The following DMD variants were observed in gnomAD, a reference collection of about 807,000 sequenced individuals.
DMD encodes the protein dystrophin.
A neutral mutation model predicts 330.1 loss-of-function variants in DMD; 63 were observed. That is an observed-to-expected ratio of 0.19 (90% CI 0.16 to 0.24). DMD has a LOEUF of 0.24. Among genes scored for constraint, DMD ranks in the 10% least tolerant of loss-of-function variants. DMD has a pLI of 1.00. For missense variants in DMD, 3,344 were observed against 2,684.1 expected, an observed-to-expected ratio of 1.25 and a Z score of -5.43; for synonymous variants, 1,223 against 959.8, an observed-to-expected ratio of 1.27 and a Z score of -5.07.
intron 20 of DMD, 91 bp downstream of exon 20, chrX:32,491,186 T>A (rs917763736): frequency 7.2e-5 from 78 of 1,084,245 alleles, no homozygotes; most frequent in Non-Finnish European, 9.1e-5. Context: ...GGTGAACGTT[T>A]CATTACTAAA....
chrX:31,649,076 A>AACCAAT (rs2080283704), intron 54 of DMD, among the ~76,000 whole-genome samples: 1 of 111,878 alleles, frequency 8.9e-6, no homozygotes, highest in Admixed American at 9.5e-5. Flanking sequence ...GCTAACATTA[A>AACCAAT]TGGTTCAATT....
chrX:31,691,791 C>T (rs2083143313), intron 52 of DMD, among the ~76,000 whole-genome samples: 1 of 111,797 alleles, frequency 8.9e-6, no homozygotes. Flanking sequence ...ATAAAGCAAA[C>T]ATTAAGGGAT....
chrX:32,741,486 T>G (rs964930725), intron 7 of DMD, among the ~76,000 whole-genome samples: 10 of 111,783 alleles, frequency 8.9e-5, no homozygotes, highest in Non-Finnish European at 1.5e-4. Flanking sequence ...TTGTTGTCGT[T>G]AAGGTGATAT....
chrX:32,335,864 TTA>T (rs759870619), intron 41 of DMD, among the ~76,000 whole-genome samples: 62 of 105,508 alleles, frequency 5.9e-4, no homozygotes, highest in South Asian at 3.2e-3. Flanking sequence ...ATATTCAACG[TTA>T]TATGTGTATA....
intron 44 of DMD, among the ~76,000 whole-genome samples, chrX:32,098,515 G>A (rs147484931): frequency 0.026 from 2,951 of 111,677 alleles, 104 homozygotes; most frequent in African/African-American, 0.09. Flanking sequence ...TTCATGTGAA[G>A]TCAGGGCTCC....
intron 9 of DMD, among the ~76,000 whole-genome samples, chrX:32,684,817 T>C (rs1184249985): frequency 9.0e-6 from 1 of 111,517 alleles, no homozygotes; most frequent in Non-Finnish European, 1.9e-5. Context: ...CTAGTTTTAC[T>C]TATTGATTTA....
chrX:31,290,641 T>G (rs1466487737), intron 62 of DMD, among the ~76,000 whole-genome samples: 1 of 111,878 alleles, frequency 8.9e-6, no homozygotes, highest in Non-Finnish European at 1.9e-5. Flanking sequence ...TGTGTTCATA[T>G]GAATAATTTT....
chrX:32,783,118 T>A (rs1196693730), intron 7 of DMD, among the ~76,000 whole-genome samples: 1 of 100,750 alleles, frequency 9.9e-6, no homozygotes, highest in Admixed American at 1.1e-4. Flanking sequence ...ACACACACCA[T>A]ATGTATATAC....
rs780446331 is a variant in DMD, at chrX:32,301,827, C to T, written c.6117+8255G>A. On this transcript the variant is annotated intron_variant, in intron 42 of 78. Transcript: ENST00000357033. The stretch of plus-strand genomic sequence containing the variant: ...GAACAATGGGTTTTAAGTTACTGAA[C>T]TAGAAATGGAAAAAATAAATCAACA... Among the ~76,000 whole-genome samples the T allele has an allele frequency of 1.3e-3, 146 of 110,782 alleles. 1 individual carries two copies. The highest frequency in any genetic ancestry group is 2.2e-3 in the Non-Finnish European group (117 of 52,495).
At chrX:33,296,305 G>T (rs929845871) in intron 1 of DMD, among the ~76,000 whole-genome samples, 1 of 110,728 alleles carries the variant, frequency 9.0e-6, no homozygotes, top group Non-Finnish European at 1.9e-5. Context: ...AATAATAAAA[G>T]GCAGCTTTTT....
At chrX:31,636,431 T>C (rs763144779) in intron 54 of DMD, among the ~76,000 whole-genome samples, 2 of 112,111 alleles carry the variant, frequency 1.8e-5, no homozygotes, top group South Asian at 7.4e-4. Flanking sequence ...TCAAGCTCCT[T>C]TGACAGGATC....
At chrX:32,647,132 G>A (rs950334777) in intron 9 of DMD, among the ~76,000 whole-genome samples, 3 of 111,596 alleles carry the variant, frequency 2.7e-5, no homozygotes, top group Non-Finnish European at 3.8e-5. Flanking sequence ...GGCCCTGAGC[G>A]CAGAAGAAAC....
intron 21 of DMD, among the ~76,000 whole-genome samples, chrX:32,476,116 T>A (rs2041209331): frequency 9.0e-6 from 1 of 111,100 alleles, no homozygotes; most frequent in Non-Finnish European, 1.9e-5. Context: ...CATGGCGGTA[T>A]GTTGGATGAA....
At chrX:32,205,079 G>A (rs1280915622) in intron 44 of DMD, among the ~76,000 whole-genome samples, 3 of 94,414 alleles carry the variant, frequency 3.2e-5, no homozygotes, top group Non-Finnish European at 4.2e-5. Context: ...CAAAAAATCT[G>A]TGAAACATCT....
intron 1 of DMD, among the ~76,000 whole-genome samples, chrX:33,112,745 T>C (rs1478320838): frequency 9.1e-6 from 1 of 110,495 alleles, no homozygotes; most frequent in Non-Finnish European, 1.9e-5. Context: ...CTATATGAAA[T>C]TAACTAATTG....
At chrX:31,357,200 T>C (rs2058719480) in intron 60 of DMD, among the ~76,000 whole-genome samples, 1 of 111,260 alleles carries the variant, frequency 9.0e-6, no homozygotes, top group African/African-American at 3.3e-5. Context: ...TCACAGAAAT[T>C]TTCTGAGGCC....
intron 11 of DMD, among the ~76,000 whole-genome samples, chrX:32,624,253 G>T (rs1449183810): frequency 9.0e-6 from 1 of 111,702 alleles, no homozygotes; most frequent in East Asian, 2.8e-4. Flanking sequence ...TATATGACTG[G>T]CAATAGAGAG....
At chrX:32,152,167 A>G (rs761784717) in intron 44 of DMD, among the ~76,000 whole-genome samples, 6 of 112,162 alleles carry the variant, frequency 5.3e-5, no homozygotes, top group Non-Finnish European at 1.1e-4. Context: ...GGTTTTCTTC[A>G]GGATGCATAC....
intron 52 of DMD, among the ~76,000 whole-genome samples, chrX:31,685,456 T>C (rs759226662): frequency 5.3e-5 from 6 of 112,436 alleles, no homozygotes; most frequent in Non-Finnish European, 1.1e-4. Context: ...CCTGCTCTCA[T>C]ATGTGCAGTC....
Sources: gnomAD v4.1 joint callset for allele counts (sites outside exome capture counted in the v4.1 genomes callset) on GRCh38, gnomAD v4.1.1 for gene constraint, MANE v1.5 for transcripts, NCBI Gene and HGNC (gene_info 2026-07-23, HGNC 2026-07-21) for gene names.